MRTFB: variants seen among roughly 807,000 people sequenced by gnomAD.
MRTFB encodes myocardin related transcription factor B, also known as myocardin-related transcription factor B.
MRTFB carries 29 observed loss-of-function variants against 104.2 expected under a neutral mutation model. The ratio of observed to expected loss-of-function variants is 0.28; its 90% CI spans 0.21 to 0.38. MRTFB has a LOEUF of 0.38. Among genes scored for constraint, MRTFB ranks in the 10% least tolerant of loss-of-function variants. The probability of loss-of-function intolerance (pLI) is 1.00; values close to 1 mark genes in which losing one functional copy is unlikely to be tolerated. For synonymous variants in MRTFB, 535 were observed against 519.5 expected, an observed-to-expected ratio of 1.03 and a Z score of -0.41; for missense variants, 1,270 against 1,341.6, an observed-to-expected ratio of 0.95 and a Z score of 0.83.
chr16:14,226,966 C>T (rs1336794957), intron 8 of MRTFB, among the ~76,000 whole-genome samples: 2 of 134,606 alleles, frequency 1.5e-5, no homozygotes, highest in Non-Finnish European at 3.2e-5. Flanking sequence ...GGGGACAGAG[C>T]GAGAACCTGT....
intron 3 of MRTFB, among the ~76,000 whole-genome samples, chr16:14,171,672 AC>A (rs2039428186): frequency 6.6e-6 from 1 of 152,198 alleles, no homozygotes; most frequent in Non-Finnish European, 1.5e-5. Context: ...AGAACCTAGA[AC>A]CTGGCTCCCA....
At position 14,246,697 on chromosome 16, in the gene MRTFB, T is replaced by C. The variant is rs1259657253; in HGVS notation, c.1437T>C (p.Ser479=). 6.2e-7 allele frequency: 1 copy of C among 1,614,182 alleles called. No homozygotes were observed. The highest frequency in any genetic ancestry group is 8.5e-7 in the Non-Finnish European group (1 of 1,180,028). Residue 479 remains serine, a synonymous_variant, in exon 12 of 17, where the codon TCT becomes TCC. Coordinates refer to ENST00000571589, the MANE Select transcript of MRTFB (RefSeq NM_001308142.2). ...ACAACACTGTGACTAGCTCAGTCTCTACTCTCAAGGCAGAATTGCCACCTA... is the reference window on the plus strand; with the variant it reads ...ACAACACTGTGACTAGCTCAGTCTCCACTCTCAAGGCAGAATTGCCACCTA... ...TLHNTVTSSV[S]TLKAELPPTG... is the part of the protein sequence containing the mutation.
At chr16:14,027,980 C>T in the MRTFB span, among the ~76,000 whole-genome samples, 1 of 152,146 alleles carries the variant, frequency 6.6e-6, no homozygotes. Context: ...AATTCAAGAC[C>T]AGCCTGGCCA....
At chr16:14,259,177 A>G (rs2151474318) in intron 16 of MRTFB, among the ~76,000 whole-genome samples, 1 of 152,316 alleles carries the variant, frequency 6.6e-6, no homozygotes, top group Admixed American at 6.5e-5. Flanking sequence ...GCTTATGCCT[A>G]TAATCCCAGC....
intron 2 of MRTFB, among the ~76,000 whole-genome samples, chr16:14,104,256 G>T (rs1567326493): frequency 6.6e-6 from 1 of 152,234 alleles, no homozygotes; most frequent in Non-Finnish European, 1.5e-5. Flanking sequence ...AGGTGTGACT[G>T]TCTGGGCTGA....
At chr16:14,228,629 T>A (rs895892781) in intron 8 of MRTFB, among the ~76,000 whole-genome samples, 2 of 151,998 alleles carry the variant, frequency 1.3e-5, no homozygotes, top group Admixed American at 6.6e-5. Context: ...ATATCCCTGT[T>A]CATAGCAGCA....
intron 11 of MRTFB, among the ~76,000 whole-genome samples, chr16:14,245,886 A>G (rs568385020): frequency 5.9e-5 from 9 of 152,318 alleles, no homozygotes; most frequent in African/African-American, 1.9e-4. Flanking sequence ...GGCACCTACC[A>G]GTTCTGCTGG....
At chr16:14,206,588 C>T (rs1489230958) in intron 3 of MRTFB, among the ~76,000 whole-genome samples, 1 of 152,196 alleles carries the variant, frequency 6.6e-6, no homozygotes, top group Non-Finnish European at 1.5e-5. Context: ...GACAGAGTCT[C>T]GCTCTGTTGC....
At chr16:14,124,165 C>G (rs2036989758) in intron 2 of MRTFB, among the ~76,000 whole-genome samples, 1 of 152,166 alleles carries the variant, frequency 6.6e-6, no homozygotes. Flanking sequence ...AGATTTCGGG[C>G]TGAGATGATG....
upstream of MRTFB, among the ~76,000 whole-genome samples, chr16:14,068,640 T>A (rs1439898697): frequency 6.6e-6 from 1 of 152,206 alleles, no homozygotes; most frequent in South Asian, 2.1e-4. Context: ...TCACCTCTTA[T>A]GTTCCTGGTT....
the MRTFB span, among the ~76,000 whole-genome samples, chr16:14,008,432 G>C: frequency 3.3e-5 from 5 of 152,118 alleles, no homozygotes; most frequent in Admixed American, 6.6e-5. Context: ...TAGCTACTCC[G>C]TTGTCCTACC....
In MRTFB at chr16:14,240,286, A is replaced by G. The variant is rs1374436678; in HGVS notation, c.881A>G (p.Lys294Arg). The G allele has an allele frequency of 3.1e-6, 5 of 1,613,012 alleles. No individual in the cohort carries two copies. In the African/African-American group the frequency reaches 5.3e-5, roughly 17 times the overall value. ...PNDKHRSKKC[K>R]DPKPRVKKLK... ...GACAAACACCGTAGCAAAAAGTGCA[A>G]AGATCCCAAACCACGGGTAAAGAAG... Residue 294 changes from lysine (K) to arginine (R), a missense_variant, in exon 10 of 17, where the codon AAA becomes AGA. Lys to Arg is a conservative substitution (Grantham distance 26). Coordinates refer to ENST00000571589, the MANE Select transcript of MRTFB (RefSeq NM_001308142.2).
In MRTFB at chr16:14,263,685, C is replaced by A. The variant is rs750593689; in HGVS notation, c.*2241C>A. On this transcript the variant is annotated 3_prime_UTR_variant, in exon 17 of 17. Coordinates refer to ENST00000571589, the MANE Select transcript of MRTFB (RefSeq NM_001308142.2). The stretch of plus-strand genomic sequence containing the variant: ...AGGAAGGTTGCTCTCCAAAAATACA[C>A]AGTGCAGTGCAAGAAAATGCTATCT... The A allele has an allele frequency of 6.6e-6, 1 of 152,182 alleles. No homozygotes were observed. Among genetic ancestry groups the A allele is most frequent in the Non-Finnish European group, 1.5e-5 (1 of 68,026 alleles). The allele number at this position is 152,182 out of a possible 1,614,324, so 9.4% of individuals were successfully genotyped here. A position where few individuals can be genotyped will look rare whatever the true frequency, so the allele number is the denominator to read the frequency against.
At chr16:14,248,792 A>G in intron 12 of MRTFB, 134 bp from the exon 13 acceptor site, 1 of 824,062 alleles carries the variant, frequency 1.2e-6, no homozygotes, top group Middle Eastern at 2.4e-4. Context: ...GTGCAGATGA[A>G]GTGTGTATCT....
the MRTFB span, among the ~76,000 whole-genome samples, chr16:13,995,023 C>CTTT: frequency 1.3e-5 from 2 of 148,942 alleles, no homozygotes; most frequent in African/African-American, 4.9e-5. Context: ...TATTTATTTA[C>CTTT]TTTTTTTTTT....
chr16:14,001,506 C>T, the MRTFB span, among the ~76,000 whole-genome samples: 2 of 152,204 alleles, frequency 1.3e-5, no homozygotes, highest in Non-Finnish European at 2.9e-5. Flanking sequence ...GCGGATGGCC[C>T]GAGGTGGGTC....
At position 14,123,428 on chromosome 16, in the gene MRTFB, T is replaced by A. The variant is rs140439087; in HGVS notation, c.-63-17116T>A. ...TATGGTTTTAGGTCTTACATTTAAG[T>A]CTTTAATCTATCTTGAGTTAATTTT... is the stretch of plus-strand genomic sequence containing the variant. On this transcript the variant is annotated intron_variant, in intron 2 of 16. Transcript: ENST00000571589. Among the ~76,000 whole-genome samples, 320 of 152,346 alleles carry A rather than the reference T, an allele frequency of 2.1e-3. 3 individuals carry two copies. Among genetic ancestry groups the A allele is most frequent in the Middle Eastern group, 3.4e-3 (1 of 294 alleles).
At chr16:14,219,367 ATTTACATGTC>A (rs2041582275) in intron 8 of MRTFB, among the ~76,000 whole-genome samples, 1 of 152,216 alleles carries the variant, frequency 6.6e-6, no homozygotes, top group South Asian at 2.1e-4. Flanking sequence ...TGCATTGGAA[ATTTACATGTC>A]TTTTAATGGG....
chr16:14,108,753 T>C (rs1220547575), intron 2 of MRTFB, among the ~76,000 whole-genome samples: 1 of 152,256 alleles, frequency 6.6e-6, no homozygotes, highest in Admixed American at 6.5e-5. Context: ...GCTGTAGTTA[T>C]TGGTGAACTT....
Sources: allele counts gnomAD v4.1 joint callset (sites outside exome capture counted in the v4.1 genomes callset), GRCh38; gene constraint gnomAD v4.1.1; transcripts MANE v1.5; gene names NCBI Gene and HGNC (gene_info 2026-07-23, HGNC 2026-07-21).